The following PTAFR variants were observed in gnomAD, a reference collection of about 807,000 sequenced individuals.
PTAFR encodes platelet activating factor receptor.
In PTAFR, 8 loss-of-function variants were observed where a neutral mutation model predicts 14.7. The ratio of observed to expected loss-of-function variants is 0.54; its 90% CI spans 0.32 to 0.98. The LOEUF is 0.98. PTAFR is among the 50% of genes least tolerant of loss of function. The pLI is 0.04. For synonymous variants in PTAFR, 156 were observed against 176.5 expected (o/e 0.88, Z 0.92); for missense variants, 337 against 451.2 (o/e 0.75, Z 2.29).
upstream of PTAFR, among the ~76,000 whole-genome samples, chr1:28,179,475 C>A (rs950548638): frequency 6.6e-6 from 1 of 152,180 alleles, no homozygotes; most frequent in South Asian, 2.1e-4. Flanking sequence ...TTCTCTCACA[C>A]CCCACATCCA....
At chr1:28,166,403 G>C (rs1646385209) in intron 1 of PTAFR, among the ~76,000 whole-genome samples, 1 of 152,190 alleles carries the variant, frequency 6.6e-6, no homozygotes, top group South Asian at 2.1e-4. Context: ...GGGGTGTGGT[G>C]GTTCACGCCT....
intron 1 of PTAFR, among the ~76,000 whole-genome samples, chr1:28,191,309 G>A (rs1389619830): frequency 6.6e-6 from 1 of 152,258 alleles, no homozygotes. Context: ...AGCCCTAGAT[G>A]AGGCCGCTGG....
At chr1:28,153,163 T>C (rs970477089) in intron 1 of PTAFR, among the ~76,000 whole-genome samples, 4 of 152,060 alleles carry the variant, frequency 2.6e-5, no homozygotes, top group Non-Finnish European at 5.9e-5. Context: ...TAGCCAGGCA[T>C]AGTGGTGCAC....
chr1:28,186,038 C>T (rs537942375), intron 1 of PTAFR, among the ~76,000 whole-genome samples: 14 of 152,050 alleles, frequency 9.2e-5, no homozygotes, highest in Admixed American at 3.3e-4. Context: ...AGTGCAGTGG[C>T]GCCATCTCAG....
chr1:28,155,046 A>G (rs1011509647), intron 1 of PTAFR, among the ~76,000 whole-genome samples: 1 of 151,666 alleles, frequency 6.6e-6, no homozygotes, highest in African/African-American at 2.4e-5. Context: ...TCCAGCTGCC[A>G]CTCCACCCTC....
intron 1 of PTAFR, among the ~76,000 whole-genome samples, chr1:28,167,738 C>T (rs1055541727): frequency 2.7e-5 from 4 of 149,012 alleles, no homozygotes; most frequent in Non-Finnish European, 3.0e-5. Flanking sequence ...CTCCGCCTCC[C>T]GCGTTCAAGC....
intron 1 of PTAFR, among the ~76,000 whole-genome samples, chr1:28,173,707 T>A (rs116631913): frequency 0.024 from 3,657 of 150,672 alleles, 74 homozygotes; most frequent in Middle Eastern, 0.043. Flanking sequence ...GGTTTTGACA[T>A]GCTTCTCCCA....
chr1:28,156,218 A>C (rs1208255944), intron 1 of PTAFR, among the ~76,000 whole-genome samples: 1 of 151,976 alleles, frequency 6.6e-6, no homozygotes, highest in Non-Finnish European at 1.5e-5. Context: ...AGCCGAGATC[A>C]TGCCATTGCA....
intron 1 of PTAFR, among the ~76,000 whole-genome samples, chr1:28,166,587 C>T (rs1646387647): frequency 6.6e-6 from 1 of 151,904 alleles, no homozygotes; most frequent in African/African-American, 2.4e-5. Context: ...ACGAGAATCA[C>T]TTGGACCAGG....
At chr1:28,161,903 G>A (rs1190991400) in intron 1 of PTAFR, among the ~76,000 whole-genome samples, 2 of 152,180 alleles carry the variant, frequency 1.3e-5, no homozygotes, top group Non-Finnish European at 2.9e-5. Context: ...ACAAGTAAGA[G>A]GACGATCTGG....
At chr1:28,155,419 C>T (rs1646252900) in intron 1 of PTAFR, among the ~76,000 whole-genome samples, 1 of 152,164 alleles carries the variant, frequency 6.6e-6, no homozygotes, top group Admixed American at 6.5e-5. Flanking sequence ...CCATGTTGGT[C>T]AGGCTGATCT....
At chr1:28,191,035 C>T (rs1646648054) in intron 1 of PTAFR, among the ~76,000 whole-genome samples, 1 of 152,188 alleles carries the variant, frequency 6.6e-6, no homozygotes. Flanking sequence ...TCTTCCTCTT[C>T]CTCTCCCTCA....
upstream of PTAFR, among the ~76,000 whole-genome samples, chr1:28,181,196 C>T (rs1035849045): frequency 6.6e-6 from 1 of 152,174 alleles, no homozygotes; most frequent in Non-Finnish European, 1.5e-5. Flanking sequence ...ATAGCAGCCA[C>T]AGGAAACTAC....
intron 1 of PTAFR, among the ~76,000 whole-genome samples, chr1:28,164,100 G>A (rs1439664470): frequency 1.3e-5 from 2 of 152,188 alleles, no homozygotes; most frequent in Non-Finnish European, 2.9e-5. Context: ...TAGGGAACCT[G>A]GAGAAGGGGT....
At chr1:28,156,964 C>T (rs1404030325) in intron 1 of PTAFR, among the ~76,000 whole-genome samples, 6 of 152,084 alleles carry the variant, frequency 3.9e-5, no homozygotes, top group African/African-American at 1.4e-4. Flanking sequence ...TACCCCCGCC[C>T]CCTTGCCCAT....
intron 1 of PTAFR, among the ~76,000 whole-genome samples, chr1:28,174,593 A>G (rs1646492277): frequency 6.6e-6 from 1 of 152,126 alleles, no homozygotes; most frequent in African/African-American, 2.4e-5. Context: ...CAAGGTGAAC[A>G]CAGTGTCAGG....
At chr1:28,180,111 C>T (rs1171197666), upstream of PTAFR, among the ~76,000 whole-genome samples, 2 of 152,094 alleles carry the variant, frequency 1.3e-5, no homozygotes, top group Non-Finnish European at 2.9e-5. Flanking sequence ...GAGTTTGAGA[C>T]CAACCTGGGC....
chr1:28,188,129 T>G (rs1224607641), intron 1 of PTAFR, among the ~76,000 whole-genome samples: 1 of 150,416 alleles, frequency 6.6e-6, no homozygotes, highest in Non-Finnish European at 1.5e-5. Flanking sequence ...CTGGGCAACA[T>G]AGCAAGACCT....
intron 1 of PTAFR, among the ~76,000 whole-genome samples, chr1:28,161,539 G>A (rs1572034659): frequency 6.6e-6 from 1 of 152,044 alleles, no homozygotes. Context: ...TAGAGACAAG[G>A]TCTCACTATG....
Sources: gnomAD v4.1 joint callset for allele counts (sites outside exome capture counted in the v4.1 genomes callset) on GRCh38, gnomAD v4.1.1 for gene constraint, MANE v1.5 for transcripts, NCBI Gene and HGNC (gene_info 2026-07-23, HGNC 2026-07-21) for gene names.